Variants in COL21A1 observed in about 807,000 individuals in gnomAD.
COL21A1 encodes the protein collagen alpha-1(XXI) chain.
In COL21A1, 149 loss-of-function variants were observed where a neutral mutation model predicts 137.9. The ratio of observed to expected loss-of-function variants is 1.08; its 90% CI spans 0.95 to 1.24. The LOEUF (loss-of-function observed/expected upper bound fraction) is 1.24. Among genes scored for constraint, COL21A1 ranks in the 50% most tolerant of loss-of-function variants. The pLI, the probability that COL21A1 is intolerant of heterozygous loss-of-function variation, is 0.00. For missense variants in COL21A1, 1,167 were observed against 1,158.4 expected (o/e 1.01, Z -0.11); for synonymous variants, 456 against 391.5 (o/e 1.16, Z -1.95).
At chr6:56,158,275 T>TTTTTTTTTTTTTTTTTTTG (rs1775934676) in intron 9 of COL21A1, among the ~76,000 whole-genome samples, 1 of 135,020 alleles carries the variant, frequency 7.4e-6, no homozygotes, top group Admixed American at 7.3e-5. Flanking sequence ...TCTTTTTTTT[T>TTTTTTTTTTTTTTTTTTTG]TTTTTTTTTT....
At chr6:56,172,857 T>C (rs1457074983) in intron 3 of COL21A1, among the ~76,000 whole-genome samples, 1 of 152,110 alleles carries the variant, frequency 6.6e-6, no homozygotes, top group Non-Finnish European at 1.5e-5. Context: ...TATAATTACA[T>C]GATGTTTCAT....
At chr6:56,100,218 T>C (rs932846657) in intron 17 of COL21A1, among the ~76,000 whole-genome samples, 1 of 152,230 alleles carries the variant, frequency 6.6e-6, no homozygotes, top group African/African-American at 2.4e-5. Flanking sequence ...TTCATTCAGA[T>C]GAGTTCTCTC....
At chr6:56,080,317 T>C (rs1316344086) in intron 17 of COL21A1, among the ~76,000 whole-genome samples, 3 of 151,692 alleles carry the variant, frequency 2.0e-5, no homozygotes, top group African/African-American at 4.8e-5. Context: ...GATTTCAGTT[T>C]GGGTTTGAGG....
intron 17 of COL21A1, among the ~76,000 whole-genome samples, chr6:56,092,365 T>C (rs1407240053): frequency 6.6e-5 from 10 of 152,192 alleles, no homozygotes; most frequent in Non-Finnish European, 7.4e-5. Context: ...TTTTTACGCA[T>C]ACATATTTAT....
chr6:56,361,371 C>A (rs951374343), intron 1 of COL21A1, among the ~76,000 whole-genome samples: 4 of 152,262 alleles, frequency 2.6e-5, no homozygotes, highest in Admixed American at 6.5e-5. Context: ...GCAGGTTGCA[C>A]AACTATTTGC....
chr6:56,244,773 T>C (rs1194389263), intron 1 of COL21A1, among the ~76,000 whole-genome samples: 1 of 152,180 alleles, frequency 6.6e-6, no homozygotes, highest in Non-Finnish European at 1.5e-5. Context: ...ACTATTCAAC[T>C]TATCGCTAAA....
chr6:56,210,281 C>T (rs1190154016), intron 1 of COL21A1, among the ~76,000 whole-genome samples: 2 of 151,996 alleles, frequency 1.3e-5, no homozygotes, highest in African/African-American at 2.4e-5. Context: ...ATTTAAATAG[C>T]TTGAACTACA....
At chr6:56,210,037 C>G (rs939296059) in intron 1 of COL21A1, among the ~76,000 whole-genome samples, 1 of 150,480 alleles carries the variant, frequency 6.6e-6, no homozygotes, top group Non-Finnish European at 1.5e-5. Context: ...TGTTCTCACT[C>G]ATAAGTAGGA....
Position 56,141,983 on chromosome 6 carries a change from C to T in COL21A1, c.1435G>A (p.Gly479Arg). The T allele has an allele frequency of 6.6e-7, 1 of 1,517,308 alleles. No homozygotes were observed. The allele number at this position is 1,517,308 out of a possible 1,614,324, so 94.0% of individuals were successfully genotyped here. Residue 479 changes from glycine to arginine, a missense_variant and splice_region_variant, in exon 11 of 30, where the codon GGA becomes AGA. Physicochemically the swap from Gly to Arg is moderately radical, Grantham distance 125. Coordinates refer to ENST00000244728, the MANE Select transcript of COL21A1 (RefSeq NM_030820.4). ...PGQPGQDGKP[G>R]YQGIAGTPGV... ...GGTGTCCCTGCAATTCCCTGATATC[C>T]CTAAAGAAAAATTTAAAAAGAAAAA... is the stretch of plus-strand genomic sequence containing the variant.
intron 1 of COL21A1, among the ~76,000 whole-genome samples, chr6:56,388,397 A>G (rs1562082265): frequency 6.6e-6 from 1 of 152,338 alleles, no homozygotes; most frequent in East Asian, 1.9e-4. Flanking sequence ...GCAGCCCAGC[A>G]TGGTCAGAGA....
intron 1 of COL21A1, among the ~76,000 whole-genome samples, chr6:56,326,472 T>C (rs933159387): frequency 1.3e-5 from 2 of 151,892 alleles, no homozygotes; most frequent in African/African-American, 2.4e-5. Flanking sequence ...CCATTGTTTC[T>C]GTCTTACCTA....
chr6:56,188,362 C>T (rs1778432618), intron 1 of COL21A1, among the ~76,000 whole-genome samples: 2 of 152,146 alleles, frequency 1.3e-5, no homozygotes, highest in African/African-American at 4.8e-5. Context: ...TAATTCCAAA[C>T]TAAAAATAAC....
chr6:56,224,031 T>C (rs1781034371), intron 1 of COL21A1, among the ~76,000 whole-genome samples: 1 of 152,042 alleles, frequency 6.6e-6, no homozygotes, highest in Admixed American at 6.6e-5. Context: ...ATAAGAAAGG[T>C]AATTTTTTCC....
At chr6:56,349,033 CT>C (rs959621110) in intron 1 of COL21A1, among the ~76,000 whole-genome samples, 5 of 152,164 alleles carry the variant, frequency 3.3e-5, no homozygotes, top group African/African-American at 1.2e-4. Context: ...ACTGACCTTC[CT>C]TTTAGAGTGT....
chr6:56,274,846 G>A (rs1430930025), intron 1 of COL21A1, among the ~76,000 whole-genome samples: 2 of 151,496 alleles, frequency 1.3e-5, no homozygotes, highest in Non-Finnish European at 2.9e-5. Flanking sequence ...ATTTTTCACA[G>A]AATTAGAAAA....
At chr6:56,245,720 A>G (rs1438209097) in intron 1 of COL21A1, among the ~76,000 whole-genome samples, 1 of 152,244 alleles carries the variant, frequency 6.6e-6, no homozygotes, top group Non-Finnish European at 1.5e-5. Flanking sequence ...GAGAAGCAGA[A>G]GAGCAGGTCT....
chr6:56,265,425 A>G lies in COL21A1; in HGVS notation c.-38-82769T>C, dbSNP rs141968860. On this transcript the variant is annotated intron_variant, in intron 1 of 28. Transcript: ENST00000370819. The stretch of plus-strand genomic sequence containing the variant: ...AACAATAGCCCAGGGGCTACAACAG[A>G]GCCAACTAAGGAGACAACTGTCCCT... 2.6e-5 allele frequency among the ~76,000 whole-genome samples: 4 copies of G among 152,338 alleles called. No individual in the cohort carries two copies. The East Asian group carries it at 5.8e-4, about 22-fold the overall frequency.
intron 1 of COL21A1, among the ~76,000 whole-genome samples, chr6:56,318,899 T>C (rs1764803678): frequency 6.7e-6 from 1 of 148,320 alleles, no homozygotes. Flanking sequence ...TGTCCAAAAT[T>C]CCTTCCTACC....
At chr6:56,295,616 C>T (rs1359730377) in intron 1 of COL21A1, among the ~76,000 whole-genome samples, 1 of 73,992 alleles carries the variant, frequency 1.4e-5, no homozygotes, top group Non-Finnish European at 3.5e-5. Context: ...TGATTTCTTT[C>T]ATCAGAGTTT....
Sources: gnomAD v4.1 joint callset for allele counts (sites outside exome capture counted in the v4.1 genomes callset) on GRCh38, gnomAD v4.1.1 for gene constraint, MANE v1.5 for transcripts, NCBI Gene and HGNC (gene_info 2026-07-23, HGNC 2026-07-21) for gene names.